The following PLCG2 variants were observed in gnomAD, a reference collection of about 807,000 sequenced individuals.
The protein encoded by PLCG2 is 1-phosphatidylinositol 4,5-bisphosphate phosphodiesterase gamma-2.
In PLCG2, 69 loss-of-function variants were observed where a neutral mutation model predicts 175.6. The observed-to-expected ratio is 0.39, with a 90% CI of 0.32 to 0.48. The LOEUF (loss-of-function observed/expected upper bound fraction) is 0.48. Ranked by LOEUF, PLCG2 falls within the 20% of genes least tolerant of loss-of-function variation. The pLI is 0.91. For synonymous variants in PLCG2, 827 were observed against 624.0 expected, an observed-to-expected ratio of 1.33 and a Z score of -4.85; for missense variants, 1,798 against 1,650.9, an observed-to-expected ratio of 1.09 and a Z score of -1.54.
chr16:81,877,295 A>G (rs1203015895), intron 7 of PLCG2, among the ~76,000 whole-genome samples: 1 of 149,250 alleles, frequency 6.7e-6, no homozygotes, highest in Non-Finnish European at 1.5e-5. Context: ...TCTACTAAAA[A>G]TACAAAAAAA....
At chr16:81,792,176 T>C (rs930684224) in intron 2 of PLCG2, among the ~76,000 whole-genome samples, 4 of 152,198 alleles carry the variant, frequency 2.6e-5, no homozygotes, top group Admixed American at 6.5e-5. Context: ...TCCATTCTTA[T>C]GGTGCTAATA....
intron 8 of PLCG2, 23 bp from the exon 9 acceptor site, chr16:81,883,246 G>A (rs1303505931): frequency 1.2e-6 from 2 of 1,609,320 alleles, no homozygotes; most frequent in Non-Finnish European, 1.7e-6. Flanking sequence ...GTCTCTAACT[G>A]CACCCCCTTT....
intron 2 of PLCG2, among the ~76,000 whole-genome samples, chr16:81,770,141 G>T (rs901202553): frequency 2.0e-5 from 3 of 151,844 alleles, no homozygotes; most frequent in African/African-American, 7.3e-5. Context: ...GCATAACAAC[G>T]CAGAGAAGTG....
At chr16:81,794,793 A>G (rs1415921276) in intron 2 of PLCG2, among the ~76,000 whole-genome samples, 1 of 152,254 alleles carries the variant, frequency 6.6e-6, no homozygotes, top group Non-Finnish European at 1.5e-5. Flanking sequence ...ATGGCATTGT[A>G]GAAAGGATGG....
chr16:81,858,746 C>CTCAA (rs1335131563), intron 4 of PLCG2, among the ~76,000 whole-genome samples: 8 of 152,166 alleles, frequency 5.3e-5, no homozygotes, highest in Non-Finnish European at 1.2e-4. Context: ...TGATGAAGAC[C>CTCAA]TCAAGACTGT....
chr16:81,760,748 T>TAAAAA (rs1224811220), intron 2 of PLCG2, among the ~76,000 whole-genome samples: 1,039 of 87,650 alleles, frequency 0.012, 16 homozygotes, highest in African/African-American at 0.033. Context: ...CCGTCTCTAT[T>TAAAAA]AAAAAAAAAA....
intron 2 of PLCG2, among the ~76,000 whole-genome samples, chr16:81,758,300 C>T (rs1029558260): frequency 6.6e-6 from 1 of 152,104 alleles, no homozygotes; most frequent in African/African-American, 2.4e-5. Flanking sequence ...GCATTTTCAA[C>T]GTTTATTCAT....
intron 5 of PLCG2, among the ~76,000 whole-genome samples, chr16:81,867,442 T>G (rs908389979): frequency 6.6e-6 from 1 of 152,186 alleles, no homozygotes; most frequent in Non-Finnish European, 1.5e-5. Context: ...GCACACTGGG[T>G]TGGAGTTTGA....
chr16:81,907,870 C>T lies in PLCG2; in HGVS notation c.1557+96C>T, dbSNP rs937567778. 8.9e-5 allele frequency: 74 copies of T among 830,106 alleles called. No individual in the cohort carries two copies. The Middle Eastern group carries it at 1.8e-3, about 20-fold the overall frequency. The allele number at this position is 830,106 out of a possible 1,614,324, so 51.4% of individuals were successfully genotyped here. On this transcript the variant is annotated intron_variant, in intron 16 of 32. Transcript: ENST00000564138. ...CTCCTTCCCATGTGGCTTCTCTGGC[C>T]GGCTGGCAAGGGGATGCTCCGCTGA...
rs542081966 is a variant in PLCG2, at chr16:81,958,860, A to G, written c.*862A>G. On this transcript the variant is annotated 3_prime_UTR_variant, in exon 33 of 33. Transcript: ENST00000564138. ...CAGGCAAGAGGTCAACTGCTGCTTG[A>G]AAGAGGTAGACAAAAGTTAGGTTGA... The G allele has an allele frequency of 9.1e-6, 2 of 220,354 alleles. No homozygotes were observed. The highest frequency in any genetic ancestry group is 1.8e-5 in the Non-Finnish European group (2 of 109,904). 13.6% of individuals were successfully genotyped at this position (220,354 alleles called of 1,614,324 possible).
At chr16:81,778,055 C>CCCA (rs1567457856), upstream of PLCG2, among the ~76,000 whole-genome samples, 1 of 56,766 alleles carries the variant, frequency 1.8e-5, no homozygotes, top group African/African-American at 8.3e-5. Flanking sequence ...AAAAAAAAAA[C>CCCA]AAAAAAAACC....
In PLCG2 at chr16:81,884,785, C is replaced by CTCT. The variant is rs1908272534; in HGVS notation, c.765+1446_765+1448dup. 2.0e-5 allele frequency among the ~76,000 whole-genome samples: 3 copies of CTCT among 152,050 alleles called. No individual in the cohort carries two copies. The South Asian group carries it at 6.2e-4, about 32-fold the overall frequency. The stretch of plus-strand genomic sequence containing the variant: ...AAATAAGTTCATTTACTTAAAAAAC[C>CTCT]TCTTGTCTTGCAGAACATTTCAAAC... On this transcript the variant is annotated intron_variant, in intron 9 of 32. Transcript: ENST00000564138.
intron 24 of PLCG2, among the ~76,000 whole-genome samples, chr16:81,930,979 A>G (rs1442002155): frequency 6.6e-6 from 1 of 152,198 alleles, no homozygotes; most frequent in Middle Eastern, 3.2e-3. Context: ...ATGAGTGTAA[A>G]AAGCATTTTC....
intron 9 of PLCG2, among the ~76,000 whole-genome samples, chr16:81,888,485 C>T (rs1164062059): frequency 2.6e-5 from 4 of 152,204 alleles, no homozygotes; most frequent in African/African-American, 7.2e-5. Context: ...CCTCGGCCTA[C>T]CAAAGTGGGT....
At chr16:81,858,564 C>T (rs571963547) in intron 4 of PLCG2, among the ~76,000 whole-genome samples, 50 of 152,188 alleles carry the variant, frequency 3.3e-4, no homozygotes, top group African/African-American at 1.1e-3. Flanking sequence ...TAGTTTTCAG[C>T]GTTGGCCTAT....
At chr16:81,818,971 T>A (rs1050098655) in intron 2 of PLCG2, among the ~76,000 whole-genome samples, 2 of 149,518 alleles carry the variant, frequency 1.3e-5, no homozygotes, top group Non-Finnish European at 3.0e-5. Context: ...CTTAGGGTAT[T>A]TCCAACACTG....
chr16:81,830,704 T>C (rs529825759), intron 2 of PLCG2, among the ~76,000 whole-genome samples: 1 of 151,910 alleles, frequency 6.6e-6, no homozygotes, highest in East Asian at 1.9e-4. Flanking sequence ...TATATATGTA[T>C]ATATATGAAT....
At chr16:81,778,254 C>T (rs1026218070), upstream of PLCG2, among the ~76,000 whole-genome samples, 1 of 151,964 alleles carries the variant, frequency 6.6e-6, no homozygotes, top group Non-Finnish European at 1.5e-5. Flanking sequence ...TCTATAGTCC[C>T]AGCTCTTCAG....
intron 10 of PLCG2, 82 bp downstream of exon 10, chr16:81,889,355 C>G (rs1908524414): frequency 1.3e-6 from 1 of 779,336 alleles, no homozygotes; most frequent in East Asian, 2.7e-5. Context: ...TTCTGTTTGT[C>G]TTTCCTTGGA....
Sources: gnomAD v4.1 joint callset for allele counts (sites outside exome capture counted in the v4.1 genomes callset) on GRCh38, gnomAD v4.1.1 for gene constraint, MANE v1.5 for transcripts, NCBI Gene and HGNC (gene_info 2026-07-23, HGNC 2026-07-21) for gene names.